Variants in GRTP1 observed in about 807,000 individuals in gnomAD.
The protein encoded by GRTP1 is growth hormone-regulated TBC protein 1.
In GRTP1, 56 loss-of-function variants were observed where a neutral mutation model predicts 38.1. The ratio of observed to expected loss-of-function variants is 1.47; its 90% confidence interval spans 1.19 to 1.84. The LOEUF (loss-of-function observed/expected upper bound fraction) is 1.84. Ranked by LOEUF, GRTP1 falls within the 40% of genes most tolerant of loss-of-function variation. The pLI, the probability that GRTP1 is intolerant of heterozygous loss-of-function variation, is 0.00. For synonymous variants in GRTP1, 217 were observed against 189.5 expected (o/e 1.14, Z -1.19); for missense variants, 506 against 453.9 (o/e 1.11, Z -1.04).
At chr13:113,338,811 A>T (rs1446753319) in intron 5 of GRTP1, among the ~76,000 whole-genome samples, 1 of 151,788 alleles carries the variant, frequency 6.6e-6, no homozygotes, top group Non-Finnish European at 1.5e-5. Context: ...CCATGGGTTC[A>T]CAGGTCTGCT....
At chr13:113,350,664 G>A (rs2043247494) in intron 4 of GRTP1, among the ~76,000 whole-genome samples, 185 bp downstream of exon 4, 2 of 152,264 alleles carry the variant, frequency 1.3e-5, no homozygotes, top group South Asian at 4.1e-4. Context: ...GCCGGAATGA[G>A]GTCGTCGGCT....
intron 5 of GRTP1, among the ~76,000 whole-genome samples, chr13:113,327,573 A>G (rs1423143814): frequency 1.3e-5 from 2 of 151,926 alleles, no homozygotes; most frequent in Non-Finnish European, 2.9e-5. Flanking sequence ...GTGAGCACAC[A>G]GTGAAGTCGG....
Position 113,342,145 on chromosome 13 carries a change from G to A in GRTP1, c.562+2718C>T, listed in dbSNP as rs9603828. On this transcript the variant is annotated intron_variant, in intron 5 of 7. Transcript: ENST00000375431. The surrounding 1 kb of genome is among the most constrained non-coding windows in gnomAD (Gnocchi z 4.5). ...TTTAGTGGAGGTGGGGTTTTGCCAT[G>A]TTGGCCAGGCTGGTCTTGAACTCCC... Among the ~76,000 whole-genome samples, 1,560 of 152,100 alleles carry A rather than the reference G, an allele frequency of 0.01. 34 individuals are homozygous for A. Among genetic ancestry groups the A allele is most frequent in the African/African-American group, 0.035 (1,468 of 41,496 alleles).
At chr13:113,327,082 T>TC (rs774758410) in intron 5 of GRTP1, among the ~76,000 whole-genome samples, 4 of 152,262 alleles carry the variant, frequency 2.6e-5, no homozygotes, top group African/African-American at 4.8e-5. Context: ...GATAAATACT[T>TC]CCAACAGCTT....
intron 2 of GRTP1, among the ~76,000 whole-genome samples, chr13:113,356,384 C>G (rs902352527): frequency 5.3e-5 from 8 of 152,108 alleles, no homozygotes; most frequent in Admixed American, 1.3e-4. Context: ...TCTCCTGCCT[C>G]AGCCTCCTGA....
At chr13:113,327,301 C>T (rs1025598747) in intron 5 of GRTP1, among the ~76,000 whole-genome samples, 2 of 152,178 alleles carry the variant, frequency 1.3e-5, no homozygotes, top group African/African-American at 4.8e-5. Context: ...GCCTTAGCCT[C>T]CTGAGTAGCT....
At chr13:113,351,090 A>C (rs1595504329) in intron 3 of GRTP1, 117 bp from the exon 4 acceptor site, 2 of 1,340,034 alleles carry the variant, frequency 1.5e-6, no homozygotes, top group African/African-American at 1.4e-5. Context: ...ACTGGTTTTC[A>C]CCCTGGCCGC....
intron 5 of GRTP1, chr13:113,339,661 C>T (rs188863522): frequency 2.0e-5 from 3 of 152,322 alleles, no homozygotes; most frequent in African/African-American, 7.2e-5. Context: ...TATCTGGCTT[C>T]GCAATTTTGT....
At chr13:113,351,971 G>GT (rs1425197550) in intron 3 of GRTP1, 1 of 151,980 alleles carries the variant, frequency 6.6e-6, no homozygotes, top group Admixed American at 6.6e-5. Flanking sequence ...GCAAAATACT[G>GT]TAAGTCTGTT....
At chr13:113,362,409 A>G (rs1288898283) in intron 2 of GRTP1, among the ~76,000 whole-genome samples, 1 of 152,238 alleles carries the variant, frequency 6.6e-6, no homozygotes, top group African/African-American at 2.4e-5. Flanking sequence ...GAACATGCAG[A>G]GGCCACAGGG....
chr13:113,363,651 C>T, intron 2 of GRTP1, 111 bp downstream of exon 2: 1 of 1,150,270 alleles, frequency 8.7e-7, no homozygotes, highest in Non-Finnish European at 1.2e-6. Context: ...TCCCGACCTG[C>T]CCGGAAAGGT....
chr13:113,326,845 T>C (rs1039813697), intron 5 of GRTP1, among the ~76,000 whole-genome samples: 17 of 152,174 alleles, frequency 1.1e-4, no homozygotes, highest in African/African-American at 4.1e-4. Context: ...CGGAATATTA[T>C]TCAGCCTTAG....
chr13:113,363,836 A>G lies in GRTP1; in HGVS notation c.107T>C (p.Leu36Pro), dbSNP rs1358889176. Residue 36 changes from leucine (L) to proline (P), a missense_variant, in exon 2 of 8, where the codon CTG becomes CCG. By Grantham distance (98) the Leu-to-Pro change is moderately conservative. Coordinates refer to ENST00000375431, the MANE Select transcript of GRTP1 (RefSeq NM_024719.4). ...AAYEKFFSSY[L>P]VTLTRRAIKW... The stretch of plus-strand genomic sequence containing the variant: ...GATCGCCCTGCGGGTGAGCGTGACC[A>G]GGTAGCTGGAGAAAAACTTCTCGTA... 1.2e-6 allele frequency: 2 copies of G among 1,611,732 alleles called. No individual in the cohort carries two copies. The highest frequency in any genetic ancestry group is 1.1e-5 in the South Asian group (1 of 91,000).
chr13:113,353,597 C>CAAGG, intron 3 of GRTP1, among the ~76,000 whole-genome samples: 1 of 149,832 alleles, frequency 6.7e-6, no homozygotes, highest in African/African-American at 2.5e-5. Context: ...AGGGGCTGGG[C>CAAGG]AAGGACACGG....
In GRTP1 at chr13:113,348,445, T is replaced by C. The variant is rs1236514659; in HGVS notation, c.465+2404A>G. 6.6e-6 allele frequency among the ~76,000 whole-genome samples: 1 copy of C among 152,176 alleles called. No individual in the cohort carries two copies. Among genetic ancestry groups the C allele is most frequent in the Non-Finnish European group, 1.5e-5 (1 of 68,024 alleles). ...CAGCCTGGGTGACAGAGCGAGACCG[T>C]GTGCACTGTGTAACTCTACACATAT... On this transcript the variant is annotated intron_variant, in intron 4 of 7. Transcript: ENST00000375431. This position sits in a 1 kb window ranked among gnomAD's most constrained non-coding sequence, Gnocchi z 4.8.
chr13:113,355,709 C>G, intron 2 of GRTP1: 1 of 404,492 alleles, frequency 2.5e-6, no homozygotes. Flanking sequence ...GAACCGCCCC[C>G]ACGCCCACTT....
rs1181174309 is a variant in GRTP1, at chr13:113,344,898, C to G, written c.527G>C (p.Trp176Ser). The change falls in exon 5 of 8, where the codon TGG becomes TCG. Residue 176 changes from tryptophan (W) to serine (S), a missense_variant. Trp to Ser is a radical substitution (Grantham distance 177, BLOSUM62 -3). Transcript: ENST00000375431. ...TCTTCCAACAAGAGCATCTAACAGC[C>G]AAAAAGATTCTTCTTCATTATTTGT... ...LITNNEEESF[W>S]LLDALVGRIL... The G allele has an allele frequency of 1.2e-6, 2 of 1,605,472 alleles. No individual in the cohort carries two copies. The highest frequency in any genetic ancestry group is 2.7e-5 in the African/African-American group (2 of 74,588).
At chr13:113,356,100 A>C (rs543763558) in intron 2 of GRTP1, among the ~76,000 whole-genome samples, 1 of 152,308 alleles carries the variant, frequency 6.6e-6, no homozygotes, top group Non-Finnish European at 1.5e-5. Flanking sequence ...ATACTGAGTA[A>C]TTTCTTAGGC....
At position 113,363,793 on chromosome 13, in the gene GRTP1, C is replaced by A; in HGVS notation, c.150G>T (p.Leu50=). 6.2e-7 allele frequency: 1 copy of A among 1,610,014 alleles called. No homozygotes were observed. The highest frequency in any genetic ancestry group is 8.5e-7 in the Non-Finnish European group (1 of 1,179,118). Reference sequence around the variant, plus strand: ...GGCTCCTGGGGACGCCCCCGCCCTGCAGCAGCCGGGACCATTTGATCGCCC... The same window carrying A: ...GGCTCCTGGGGACGCCCCCGCCCTGAAGCAGCCGGGACCATTTGATCGCCC... ...TRRAIKWSRL[L]QGGGVPRSRT... Residue 50 remains leucine, a synonymous_variant, in exon 2 of 8, where the codon CTG becomes CTT. Coordinates refer to ENST00000375431, the MANE Select transcript of GRTP1 (RefSeq NM_024719.4).
Sources: allele counts gnomAD v4.1 joint callset (sites outside exome capture counted in the v4.1 genomes callset), GRCh38; gene constraint gnomAD v4.1.1; non-coding constraint Gnocchi (gnomAD v3.1); transcripts MANE v1.5; gene names NCBI Gene and HGNC (gene_info 2026-07-23, HGNC 2026-07-21).